FAT4: variants seen among roughly 807,000 people sequenced by gnomAD.
FAT4 encodes protocadherin Fat 4.
In FAT4, 84 loss-of-function variants were observed where a neutral mutation model predicts 303.9. The observed-to-expected ratio is 0.28, with a 90% CI of 0.23 to 0.33. The LOEUF is 0.33. Ranked by LOEUF, FAT4 falls within the 10% of genes least tolerant of loss-of-function variation. FAT4 has a pLI of 1.00. For synonymous variants in FAT4, 2,307 were observed against 2,298.8 expected (o/e 1.00, Z -0.10); for missense variants, 6,005 against 6,146.8 (o/e 0.98, Z 0.77).
At chr4:125,359,651 CAAAAGAG>C (rs774864290) in intron 2 of FAT4, among the ~76,000 whole-genome samples, 80 of 151,856 alleles carry the variant, frequency 5.3e-4, no homozygotes, top group Non-Finnish European at 9.3e-4. Flanking sequence ...GTATCATAAC[CAAAAGAG>C]AAGAGAAACT....
At chr4:125,366,539 T>C (rs1400233342) in intron 2 of FAT4, among the ~76,000 whole-genome samples, 1 of 152,194 alleles carries the variant, frequency 6.6e-6, no homozygotes, top group Non-Finnish European at 1.5e-5. Context: ...GTCTTTGCCA[T>C]TGTGAATAGT....
At position 125,321,447 on chromosome 4, in the gene FAT4, G is replaced by T; in HGVS notation, c.5036G>T (p.Arg1679Leu). The change falls in exon 2 of 18, where the codon CGC (arginine) becomes CTC (leucine). Residue 1679 changes from arginine to leucine, a missense_variant. Arg to Leu is a moderately radical substitution (Grantham distance 102, BLOSUM62 -2). Coordinates refer to ENST00000394329, the MANE Select transcript of FAT4 (RefSeq NM_001291303.3). ...SVRCEEKTVGRLFTIGRHTGI... is the reference protein window; with the variant it reads ...SVRCEEKTVGLLFTIGRHTGI... Reference sequence around the variant, plus strand: ...CGTTGTGAAGAAAAAACTGTTGGACGCCTCTTTACTATTGGACGACATACT... The same window carrying T: ...CGTTGTGAAGAAAAAACTGTTGGACTCCTCTTTACTATTGGACGACATACT... The T allele has an allele frequency of 6.2e-7, 1 of 1,614,050 alleles. No homozygotes were observed. The highest frequency in any genetic ancestry group is 8.5e-7 in the Non-Finnish European group (1 of 1,180,002).
At position 125,450,694 on chromosome 4, in the gene FAT4, T is replaced by A; in HGVS notation, c.9684T>A (p.Asn3228Lys). The A allele has an allele frequency of 6.2e-7, 1 of 1,614,086 alleles. No individual in the cohort carries two copies. Among genetic ancestry groups the A allele is most frequent in the Non-Finnish European group, 8.5e-7 (1 of 1,180,000 alleles). The change falls in exon 10 of 18, where the codon AAT becomes AAA. Residue 3228 changes from asparagine to lysine, a missense_variant. Transcript: ENST00000394329. ...CAACAGATGCTGACTCTGGAACAAA[T>A]GCTGTGATTGCGTATACTGTACAGT... ...LNATDADSGT[N>K]AVIAYTVQSS...
intron 7 of FAT4, among the ~76,000 whole-genome samples, chr4:125,421,701 T>G (rs898235518): frequency 6.6e-6 from 1 of 152,122 alleles, no homozygotes; most frequent in East Asian, 1.9e-4. Flanking sequence ...AATCTGACAT[T>G]AAGTGATGGT....
At position 125,320,827 on chromosome 4, in the gene FAT4, T is replaced by A; in HGVS notation, c.4416T>A (p.Asp1472Glu). ...QMPRGNHFTI[D>E]EVKGTIYTNA... Reference sequence around the variant, plus strand: ...CAAGAGGCAACCACTTTACCATAGATGAAGTCAAAGGGACTATATATACTA... The same window carrying A: ...CAAGAGGCAACCACTTTACCATAGAAGAAGTCAAAGGGACTATATATACTA... Residue 1472 changes from aspartate to glutamate, a missense_variant, in exon 2 of 18, where the codon GAT (aspartate) becomes GAA (glutamate). Physicochemically the swap from Asp to Glu is conservative, Grantham distance 45 (BLOSUM62 2). Transcript: ENST00000394329. The A allele has an allele frequency of 5.6e-6, 9 of 1,614,128 alleles. No individual in the cohort carries two copies. The highest frequency in any genetic ancestry group is 7.6e-6 in the Non-Finnish European group (9 of 1,179,978).
chr4:125,397,899 A>G (rs1734243322), intron 2 of FAT4, among the ~76,000 whole-genome samples: 1 of 152,152 alleles, frequency 6.6e-6, no homozygotes, highest in Non-Finnish European at 1.5e-5. Context: ...TGCCCTGGTT[A>G]TATCCTAACT....
At chr4:125,355,247 C>T (rs1732381658) in intron 2 of FAT4, among the ~76,000 whole-genome samples, 1 of 151,856 alleles carries the variant, frequency 6.6e-6, no homozygotes, top group Non-Finnish European at 1.5e-5. Flanking sequence ...TACCCTAAAA[C>T]ATATTTACAT....
At chr4:125,329,619 T>C (rs1359858441) in intron 2 of FAT4, among the ~76,000 whole-genome samples, 1 of 152,186 alleles carries the variant, frequency 6.6e-6, no homozygotes, top group Non-Finnish European at 1.5e-5. Context: ...ATATATACAC[T>C]GATGACTCCA....
intron 8 of FAT4, among the ~76,000 whole-genome samples, chr4:125,435,369 T>C (rs1364355970): frequency 6.6e-6 from 1 of 152,100 alleles, no homozygotes; most frequent in African/African-American, 2.4e-5. Context: ...TGGTATTAGG[T>C]AAATTAGAGT....
chr4:125,478,114 C>A (rs1304543298), intron 14 of FAT4, among the ~76,000 whole-genome samples: 1 of 152,146 alleles, frequency 6.6e-6, no homozygotes, highest in African/African-American at 2.4e-5. Flanking sequence ...TCACAAAAAT[C>A]TTTGCTCACA....
At chr4:125,365,705 G>A (rs1466605179) in intron 2 of FAT4, among the ~76,000 whole-genome samples, 2 of 152,148 alleles carry the variant, frequency 1.3e-5, no homozygotes, top group Non-Finnish European at 2.9e-5. Context: ...TAAAGTATAT[G>A]ATAAAGTAAT....
At chr4:125,355,886 C>T (rs977961736) in intron 2 of FAT4, among the ~76,000 whole-genome samples, 5 of 151,598 alleles carry the variant, frequency 3.3e-5, no homozygotes, top group African/African-American at 1.2e-4. Flanking sequence ...CTCTTCCTTC[C>T]CCAGATATTC....
At position 125,316,425 on chromosome 4, in the gene FAT4, C is replaced by G. The variant is rs775725065; in HGVS notation, c.14C>G (p.Pro5Arg). 6.8e-6 allele frequency: 11 copies of G among 1,610,466 alleles called. No individual in the cohort carries two copies. In the South Asian group the frequency reaches 1.2e-4, roughly 18 times the overall value. MDLA[P>R]DRATGRPWLP... is the part of the protein sequence containing the mutation. ...GGAGCCAGGACCATGGACTTAGCAC[C>G]AGACAGGGCTACTGGCCGCCCGTGG... The change falls in exon 2 of 18, where the codon CCA (proline) becomes CGA (arginine). Residue 5 changes from proline to arginine, a missense_variant. Physicochemically the swap from Pro to Arg is moderately radical, Grantham distance 103. Transcript: ENST00000394329. This position sits in a 1 kb window ranked among gnomAD's most constrained non-coding sequence, Gnocchi z 5.7.
intron 7 of FAT4, among the ~76,000 whole-genome samples, chr4:125,429,592 A>C (rs1445757138): frequency 6.6e-6 from 1 of 152,224 alleles, no homozygotes; most frequent in Non-Finnish European, 1.5e-5. Flanking sequence ...TCAAACAAGA[A>C]TACCTACTTT....
chr4:125,442,426 A>T (rs1352579058), intron 8 of FAT4, among the ~76,000 whole-genome samples: 1 of 152,008 alleles, frequency 6.6e-6, no homozygotes, highest in Non-Finnish European at 1.5e-5. Context: ...TATCCATTTA[A>T]CTATCTAAAT....
chr4:125,439,652 T>C (rs1725583574), intron 8 of FAT4, among the ~76,000 whole-genome samples: 1 of 152,184 alleles, frequency 6.6e-6, no homozygotes, highest in African/African-American at 2.4e-5. Flanking sequence ...GAAAATTTCT[T>C]AATATGTGCT....
intron 3 of FAT4, among the ~76,000 whole-genome samples, chr4:125,403,535 C>T (rs7660088): frequency 0.99 from 150,418 of 152,162 alleles, 74,368 homozygotes; most frequent in East Asian, 1. Context: ...AATTTCTGAA[C>T]GACTCTTGTG....
At chr4:125,327,551 C>G (rs1731207178) in intron 2 of FAT4, among the ~76,000 whole-genome samples, 1 of 152,028 alleles carries the variant, frequency 6.6e-6, no homozygotes, top group Non-Finnish European at 1.5e-5. Context: ...AATTAAAGGG[C>G]TTTATAAATT....
intron 3 of FAT4, among the ~76,000 whole-genome samples, chr4:125,405,709 G>A (rs531823380): frequency 2.7e-4 from 40 of 150,294 alleles, no homozygotes; most frequent in Non-Finnish European, 4.0e-4. Flanking sequence ...TCACTATGTT[G>A]GCCAGGATGG....
Sources: gnomAD v4.1 joint callset for allele counts (sites outside exome capture counted in the v4.1 genomes callset) on GRCh38, gnomAD v4.1.1 for gene constraint, Gnocchi (gnomAD v3.1) non-coding constraint, MANE v1.5 for transcripts, NCBI Gene and HGNC (gene_info 2026-07-23, HGNC 2026-07-21) for gene names.